ELMO1: variants seen among roughly 807,000 people sequenced by gnomAD.
ELMO1 encodes engulfment and cell motility protein 1.
A neutral mutation model predicts 98.9 loss-of-function variants in ELMO1; 26 were observed. That is an observed-to-expected ratio of 0.26 (90% confidence interval 0.19 to 0.36). ELMO1 has a LOEUF of 0.36. Among genes scored for constraint, ELMO1 ranks in the 10% least tolerant of loss-of-function variants. The probability of loss-of-function intolerance (pLI) is 1.00; values close to 1 mark genes in which losing one functional copy is unlikely to be tolerated. For missense variants in ELMO1, 627 were observed against 935.2 expected, an observed-to-expected ratio of 0.67 and a Z score of 4.30; for synonymous variants, 346 against 346.0, an observed-to-expected ratio of 1.00 and a Z score of 0.00.
At chr7:36,871,506 C>A (rs1436356788) in intron 19 of ELMO1, among the ~76,000 whole-genome samples, 1 of 152,134 alleles carries the variant, frequency 6.6e-6, no homozygotes, top group Admixed American at 6.5e-5. Context: ...ACCCTCCAGC[C>A]CCATATGGGT....
chr7:37,155,503 A>ATAAAAAAAATAAAT (rs1554427526), intron 13 of ELMO1, among the ~76,000 whole-genome samples: 24 of 131,778 alleles, frequency 1.8e-4, no homozygotes, highest in Admixed American at 4.8e-4. Flanking sequence ...AAAAAAAAAA[A>ATAAAAAAAATAAAT]AAAAAGCAGG....
chr7:37,022,328 T>C (rs1794317769), intron 15 of ELMO1, among the ~76,000 whole-genome samples: 1 of 152,140 alleles, frequency 6.6e-6, no homozygotes. Flanking sequence ...AACTTCAACA[T>C]TATCTAATAA....
At position 36,883,795 on chromosome 7, in the gene ELMO1, T is replaced by C. The variant is rs574298775; in HGVS notation, c.1714+3765A>G. The stretch of plus-strand genomic sequence containing the variant: ...TAAATTAGTCAGTCTTAGGCATTTC[T>C]TTATAGTAATGCGAGAATGGACTAA... On this transcript the variant is annotated intron_variant, in intron 18 of 21. Transcript: ENST00000310758. Among the ~76,000 whole-genome samples the C allele has an allele frequency of 3.2e-4, 48 of 152,306 alleles. 1 individual carries two copies. The South Asian group carries it at 8.3e-3, about 26-fold the overall frequency.
At chr7:37,059,570 ACT>A (rs144227077) in intron 15 of ELMO1, among the ~76,000 whole-genome samples, 4,675 of 152,200 alleles carry the variant, frequency 0.031, 116 homozygotes, top group African/African-American at 0.066. Context: ...AAAATCATTC[ACT>A]GTTATGTTAA....
At chr7:37,046,677 C>T (rs1269452303) in intron 15 of ELMO1, among the ~76,000 whole-genome samples, 1 of 152,174 alleles carries the variant, frequency 6.6e-6, no homozygotes, top group East Asian at 1.9e-4. Context: ...AATCTTAATT[C>T]TCTGAAACTC....
Position 36,898,247 on chromosome 7 carries a change from T to C in ELMO1, c.1438-3230A>G, listed in dbSNP as rs565785207. On this transcript the variant is annotated intron_variant, in intron 16 of 21. Coordinates refer to ENST00000310758, the MANE Select transcript of ELMO1 (RefSeq NM_014800.11). ...ACAACCACCATCCTTAACTCTATCT[T>C]CTTTAGAAAACATCACACCCTTTAC... Among the ~76,000 whole-genome samples the C allele has an allele frequency of 3.9e-5, 6 of 152,308 alleles. No individual in the cohort carries two copies. In the South Asian group the frequency reaches 6.2e-4, roughly 16 times the overall value.
chr7:37,327,970 A>G (rs1014743958), intron 2 of ELMO1, among the ~76,000 whole-genome samples: 1 of 152,172 alleles, frequency 6.6e-6, no homozygotes, highest in Non-Finnish European at 1.5e-5. Flanking sequence ...AGCCTTTCTA[A>G]TTATGATACA....
intron 12 of ELMO1, 141 bp downstream of exon 12, chr7:37,213,194 T>C (rs1423419864): frequency 1.9e-6 from 2 of 1,072,528 alleles, no homozygotes; most frequent in Non-Finnish European, 2.6e-6. Flanking sequence ...TTTGAAGCCA[T>C]GCCCCTAAGT....
At chr7:37,313,734 AC>A (rs977368581) in intron 4 of ELMO1, among the ~76,000 whole-genome samples, 1 of 151,980 alleles carries the variant, frequency 6.6e-6, no homozygotes, top group Non-Finnish European at 1.5e-5. Context: ...GGGAAGTAGA[AC>A]CCTTGTTACT....
chr7:37,312,550 C>G (rs763973018), intron 4 of ELMO1, among the ~76,000 whole-genome samples: 1 of 152,138 alleles, frequency 6.6e-6, no homozygotes. Context: ...AAAATGAAAA[C>G]TCCTAGGCTA....
At chr7:37,096,576 AC>A (rs773349709) in intron 15 of ELMO1, 42 bp downstream of exon 15, 148 of 1,564,692 alleles carry the variant, frequency 9.5e-5, no homozygotes, top group Non-Finnish European at 1.1e-4. Context: ...GGAAGCTGGG[AC>A]TCTGCCAGCT....
intron 13 of ELMO1, among the ~76,000 whole-genome samples, chr7:37,150,571 T>G (rs1331123081): frequency 6.6e-6 from 1 of 152,218 alleles, no homozygotes; most frequent in African/African-American, 2.4e-5. Flanking sequence ...GCTAGTTGTA[T>G]TTTGTATACA....
chr7:36,894,404 C>T (rs1805809121), intron 17 of ELMO1, among the ~76,000 whole-genome samples: 1 of 152,202 alleles, frequency 6.6e-6, no homozygotes, highest in Non-Finnish European at 1.5e-5. Flanking sequence ...CTCTTCCTCT[C>T]AAGCTCTCAC....
chr7:37,302,711 G>A (rs1157782155), intron 4 of ELMO1, among the ~76,000 whole-genome samples: 1 of 152,080 alleles, frequency 6.6e-6, no homozygotes, highest in Non-Finnish European at 1.5e-5. Context: ...TCCAAATCCT[G>A]GCCTGGAGAA....
intron 4 of ELMO1, among the ~76,000 whole-genome samples, chr7:37,306,740 CA>C (rs1437569111): frequency 6.6e-6 from 1 of 151,816 alleles, no homozygotes; most frequent in Non-Finnish European, 1.5e-5. Context: ...GCTTTGCTAT[CA>C]AAAAAATAAA....
Position 37,258,066 on chromosome 7 carries a change from G to A in ELMO1, c.413+1115C>T, listed in dbSNP as rs534970698. Among the ~76,000 whole-genome samples the A allele has an allele frequency of 1.2e-3, 185 of 152,012 alleles. No individual in the cohort carries two copies. In the Middle Eastern group the frequency reaches 0.014, roughly 11 times the overall value. On this transcript the variant is annotated intron_variant, in intron 6 of 21. Transcript: ENST00000310758. ...AGGCAGATCACGAGGTCAAGAGATCGAGACCATCCTGGCTGACATGGTGAA... is the reference window on the plus strand; with the variant it reads ...AGGCAGATCACGAGGTCAAGAGATCAAGACCATCCTGGCTGACATGGTGAA...
intron 19 of ELMO1, among the ~76,000 whole-genome samples, chr7:36,875,645 G>A (rs1803896579): frequency 6.6e-6 from 1 of 152,260 alleles, no homozygotes; most frequent in African/African-American, 2.4e-5. Flanking sequence ...TGCAGCTCTG[G>A]CCTTGCTCTC....
rs552161172 is a variant in ELMO1, at chr7:36,867,786, T to C, written c.1905+2607A>G. Among the ~76,000 whole-genome samples, 224 of 152,326 alleles carry C rather than the reference T, an allele frequency of 1.5e-3. 1 individual carries two copies. The highest frequency in any genetic ancestry group is 5.1e-3 in the African/African-American group (210 of 41,578). The stretch of plus-strand genomic sequence containing the variant: ...CTGTGGGTTATTTACAAGTGTGTTG[T>C]TAAATTTCCAAACATTTGGGGGATT... On this transcript the variant is annotated intron_variant, in intron 20 of 21. Transcript: ENST00000310758.
chr7:37,157,424 A>T lies in ELMO1; in HGVS notation c.1087-24190T>A, dbSNP rs530567126. 1.5e-3 allele frequency among the ~76,000 whole-genome samples: 225 copies of T among 152,216 alleles called. 3 individuals carry two copies. The highest frequency in any genetic ancestry group is 4.6e-3 in the African/African-American group (193 of 41,534). ...TTGTATATCTAGAAAACCCCATCGT[A>T]TCAGCCCAAAAATCTCCTTAAGCTG... is the stretch of plus-strand genomic sequence containing the variant. On this transcript the variant is annotated intron_variant, in intron 13 of 21. Coordinates refer to ENST00000310758, the MANE Select transcript of ELMO1 (RefSeq NM_014800.11).
Sources: gnomAD v4.1 joint callset for allele counts (sites outside exome capture counted in the v4.1 genomes callset) on GRCh38, gnomAD v4.1.1 for gene constraint, MANE v1.5 for transcripts, NCBI Gene and HGNC (gene_info 2026-07-23, HGNC 2026-07-21) for gene names.